Variants in MTA3 observed in about 807,000 individuals in gnomAD.
MTA3 encodes metastasis associated 1 family member 3.
MTA3 carries 34 observed loss-of-function variants against 83.5 expected under a neutral mutation model. The observed-to-expected ratio is 0.41, with a 90% CI of 0.31 to 0.54. MTA3 has a LOEUF of 0.54. Among genes scored for constraint, MTA3 ranks in the 20% least tolerant of loss-of-function variants. MTA3 has a pLI of 0.33. For missense variants in MTA3, 761 were observed against 726.4 expected, an observed-to-expected ratio of 1.05 and a Z score of -0.55; for synonymous variants, 303 against 252.7, an observed-to-expected ratio of 1.20 and a Z score of -1.89.
chr2:42,745,995 G>A (rs989143361), intron 16 of MTA3, among the ~76,000 whole-genome samples: 23 of 151,740 alleles, frequency 1.5e-4, no homozygotes, highest in African/African-American at 4.6e-4. Flanking sequence ...TGTATTTTTA[G>A]TAGAGACGGG....
chr2:42,706,308 A>G (rs1020778163), intron 12 of MTA3, among the ~76,000 whole-genome samples: 21 of 152,322 alleles, frequency 1.4e-4, no homozygotes, highest in African/African-American at 5.1e-4. Context: ...AAAATGACTT[A>G]TTAGTTCTAA....
chr2:42,727,376 A>G (rs1667904198), intron 16 of MTA3, among the ~76,000 whole-genome samples: 1 of 152,180 alleles, frequency 6.6e-6, no homozygotes, highest in African/African-American at 2.4e-5. Context: ...AGTGTGCCGT[A>G]TGCTGTCATT....
At position 42,679,819 on chromosome 2, in the gene MTA3, T is replaced by A. The variant is rs189650197; in HGVS notation, c.703-2582T>A. The stretch of plus-strand genomic sequence containing the variant: ...ACAAACAGAATATCTTTTAAGGTAA[T>A]GAATTAGATGGCTGTGTGTTGTTTT... On this transcript the variant is annotated intron_variant, in intron 8 of 16. Coordinates refer to ENST00000405094, the MANE Select transcript of MTA3 (RefSeq NM_001330442.2). Among the ~76,000 whole-genome samples the A allele has an allele frequency of 6.6e-4, 100 of 151,622 alleles. 2 individuals are homozygous for A. The South Asian group carries it at 8.5e-3, about 13-fold the overall frequency.
At chr2:42,673,270 T>G (rs1691007052) in intron 8 of MTA3, among the ~76,000 whole-genome samples, 2 of 152,306 alleles carry the variant, frequency 1.3e-5, no homozygotes, top group Middle Eastern at 3.4e-3. Flanking sequence ...GATGTGATAT[T>G]CTGAATGCTG....
intron 9 of MTA3, among the ~76,000 whole-genome samples, chr2:42,689,529 T>C (rs78363305): frequency 0.024 from 3,644 of 152,270 alleles, 151 homozygotes; most frequent in African/African-American, 0.083. Flanking sequence ...TTGGAAGGTT[T>C]TAAAACTGTG....
intron 16 of MTA3, 104 bp from the exon 17 acceptor site, chr2:42,753,270 C>T (rs1413112638): frequency 1.3e-5 from 20 of 1,534,104 alleles, no homozygotes; most frequent in South Asian, 4.9e-5. Context: ...AGCCTCCTTT[C>T]CCTGAAGGTT....
intron 2 of MTA3, among the ~76,000 whole-genome samples, chr2:42,507,757 C>G (rs559169074): frequency 1.1e-4 from 17 of 151,634 alleles, no homozygotes; most frequent in East Asian, 9.7e-4. Context: ...AGTGAGACCC[C>G]CATTTCTACA....
chr2:42,557,277 T>G (rs903846816), intron 2 of MTA3, among the ~76,000 whole-genome samples: 1 of 139,896 alleles, frequency 7.1e-6, no homozygotes, highest in East Asian at 2.2e-4. Context: ...AGACTTTGTC[T>G]CAATATAAAT....
chr2:42,708,862 C>G lies in MTA3; in HGVS notation c.1303-12C>G, dbSNP rs879092064. On this transcript the variant is annotated splice_polypyrimidine_tract_variant and intron_variant, in intron 13 of 16. Transcript: ENST00000405094. ...CACTTCCTTGAGTGTTTGTTGTTTT[C>G]TGATTTTGCAGGACCCTCGTGTTAG... 2 of 1,613,210 alleles carry G rather than the reference C, an allele frequency of 1.2e-6. No individual in the cohort carries two copies. Among genetic ancestry groups the G allele is most frequent in the Non-Finnish European group, 1.7e-6 (2 of 1,179,540 alleles).
chr2:42,592,789 C>G (rs942262988), intron 3 of MTA3, among the ~76,000 whole-genome samples: 1 of 152,082 alleles, frequency 6.6e-6, no homozygotes, highest in Admixed American at 6.6e-5. Flanking sequence ...GAATACCTTC[C>G]GAAGGACCTG....
chr2:42,720,102 A>G (rs1667295583), intron 15 of MTA3, among the ~76,000 whole-genome samples: 1 of 152,126 alleles, frequency 6.6e-6, no homozygotes, highest in Non-Finnish European at 1.5e-5. Flanking sequence ...ATGTTCCAGG[A>G]TTCAGAGGCT....
upstream of MTA3, among the ~76,000 whole-genome samples, chr2:42,565,319 C>G (rs1677861744): frequency 6.6e-6 from 1 of 151,776 alleles, no homozygotes; most frequent in Admixed American, 6.6e-5. Context: ...CCAGAGTAGC[C>G]AGGACCATAG....
chr2:42,729,056 G>C (rs193294853), intron 16 of MTA3, among the ~76,000 whole-genome samples: 90 of 92,934 alleles, frequency 9.7e-4, no homozygotes, highest in Non-Finnish European at 1.7e-3. Flanking sequence ...AGTTTCTCCA[G>C]TGTTTTCTTT....
At chr2:42,574,025 A>G (rs1678771695) in intron 2 of MTA3, among the ~76,000 whole-genome samples, 1 of 150,448 alleles carries the variant, frequency 6.6e-6, no homozygotes, top group East Asian at 1.9e-4. Flanking sequence ...ATTAGTAGAG[A>G]TGGGGTTTCA....
chr2:42,752,806 C>T (rs971863166), intron 16 of MTA3, among the ~76,000 whole-genome samples: 5 of 152,158 alleles, frequency 3.3e-5, no homozygotes, highest in Non-Finnish European at 7.3e-5. Context: ...CTCCAGTGAC[C>T]ACTAAACCCG....
At chr2:42,646,770 C>T (rs1480816577) in intron 6 of MTA3, among the ~76,000 whole-genome samples, 1 of 152,128 alleles carries the variant, frequency 6.6e-6, no homozygotes, top group African/African-American at 2.4e-5. Flanking sequence ...ATGCTGTGAA[C>T]ACTGTTGAAA....
intron 3 of MTA3, 112 bp from the exon 4 acceptor site, chr2:42,609,346 A>T: frequency 8.3e-7 from 1 of 1,203,306 alleles, no homozygotes; most frequent in Non-Finnish European, 1.2e-6. Flanking sequence ...TTTAAATTTA[A>T]AATTGATTAG....
At chr2:42,654,861 C>G (rs1689019233) in intron 6 of MTA3, among the ~76,000 whole-genome samples, 1 of 152,174 alleles carries the variant, frequency 6.6e-6, no homozygotes, top group Non-Finnish European at 1.5e-5. Flanking sequence ...AGTAATCCTC[C>G]TGCCCCAGCT....
At chr2:42,522,941 C>G (rs1416223634) in intron 2 of MTA3, among the ~76,000 whole-genome samples, 1 of 151,522 alleles carries the variant, frequency 6.6e-6, no homozygotes, top group Non-Finnish European at 1.5e-5. Context: ...TCCCAAGTAG[C>G]TGGGACCACA....
Sources: gnomAD v4.1 joint callset for allele counts (sites outside exome capture counted in the v4.1 genomes callset) on GRCh38, gnomAD v4.1.1 for gene constraint, MANE v1.5 for transcripts, NCBI Gene and HGNC (gene_info 2026-07-23, HGNC 2026-07-21) for gene names.